GPR176: variants seen among roughly 807,000 people sequenced by gnomAD.
The protein encoded by GPR176 is G-protein coupled receptor 176.
Under a neutral mutation model 35.4 loss-of-function variants are expected in GPR176, and 26 were observed. The observed-to-expected ratio is 0.74, with a 90% CI of 0.54 to 1.02. The LOEUF (loss-of-function observed/expected upper bound fraction) is 1.02. GPR176 is among the 50% of genes least tolerant of loss of function. GPR176 has a pLI of 0.00. For synonymous variants in GPR176, 278 were observed against 271.3 expected (o/e 1.02, Z -0.24); for missense variants, 597 against 665.3 (o/e 0.90, Z 1.13).
rs1394550985 is a variant in GPR176 at position 39,893,493 on chromosome 15, A to G, written c.172+26362T>C. Among the ~76,000 whole-genome samples, 3 of 152,256 alleles carry G rather than the reference A, an allele frequency of 2.0e-5. No homozygotes were observed. In the East Asian group the frequency reaches 5.8e-4, roughly 29 times the overall value. ...TACAGAACAAAATGAAAAGTCTCCC[A>G]TGTCTACTTCTTTCTACACAGACAC... On this transcript the variant is annotated intron_variant, in intron 1 of 2. Coordinates refer to ENST00000561100, the MANE Select transcript of GPR176 (RefSeq NM_007223.3).
intron 1 of GPR176, among the ~76,000 whole-genome samples, chr15:39,821,189 A>C (rs1007943373): frequency 6.6e-6 from 1 of 152,192 alleles, no homozygotes; most frequent in Non-Finnish European, 1.5e-5. Context: ...CTGGTTCAAA[A>C]TAATGCAATT....
intron 1 of GPR176, among the ~76,000 whole-genome samples, chr15:39,852,291 C>T (rs1184643124): frequency 6.6e-6 from 1 of 152,124 alleles, no homozygotes; most frequent in Admixed American, 6.6e-5. Context: ...TCTACAACAG[C>T]CCTCTTTCCC....
intron 1 of GPR176, among the ~76,000 whole-genome samples, chr15:39,809,883 T>C (rs943490109): frequency 2.6e-5 from 4 of 152,124 alleles, no homozygotes; most frequent in Non-Finnish European, 4.4e-5. Flanking sequence ...CGGTGGCTCA[T>C]GCCTGTAATC....
chr15:39,828,179 T>A (rs275753), intron 1 of GPR176, among the ~76,000 whole-genome samples: 4,405 of 152,254 alleles, frequency 0.029, 216 homozygotes, highest in African/African-American at 0.1. Context: ...TTTTCAGCCC[T>A]TAATACCCAG....
intron 1 of GPR176, among the ~76,000 whole-genome samples, chr15:39,866,064 A>C (rs1234384889): frequency 2.6e-5 from 4 of 152,164 alleles, no homozygotes; most frequent in African/African-American, 9.6e-5. Flanking sequence ...GATTTTTTCC[A>C]AGACATATTG....
At chr15:39,813,640 T>C (rs1447665192) in intron 1 of GPR176, 1 of 152,190 alleles carries the variant, frequency 6.6e-6, no homozygotes, top group African/African-American at 2.4e-5. Context: ...GGTAGTTAAA[T>C]ATGATGTGTC....
intron 1 of GPR176, among the ~76,000 whole-genome samples, chr15:39,835,892 C>A (rs1595464687): frequency 6.6e-6 from 1 of 152,018 alleles, no homozygotes; most frequent in Non-Finnish European, 1.5e-5. Context: ...GCCAGGAGTT[C>A]GATAATAGCC....
rs575106102 is a variant in GPR176 at position 39,888,523 on chromosome 15, G to A, written c.172+31332C>T. ...AACTCACCATAACCTCAAACTCCTG[G>A]CCTCAACTGATCCTCCTGCCTTGGA... On this transcript the variant is annotated intron_variant, in intron 1 of 2. Coordinates refer to ENST00000561100, the MANE Select transcript of GPR176 (RefSeq NM_007223.3). 1.2e-4 allele frequency among the ~76,000 whole-genome samples: 19 copies of A among 152,226 alleles called. No individual in the cohort carries two copies. In the South Asian group the frequency reaches 3.5e-3, roughly 28 times the overall value.
chr15:39,834,524 C>A (rs1413953953), intron 1 of GPR176, among the ~76,000 whole-genome samples: 1 of 152,090 alleles, frequency 6.6e-6, no homozygotes, highest in Non-Finnish European at 1.5e-5. Context: ...GATTTGGAAG[C>A]AACCTAAGTG....
At chr15:39,827,880 G>C (rs1900785580) in intron 1 of GPR176, among the ~76,000 whole-genome samples, 1 of 152,234 alleles carries the variant, frequency 6.6e-6, no homozygotes, top group Admixed American at 6.5e-5. Context: ...GTTGTTGACA[G>C]TGACTCTCAA....
At chr15:39,849,531 A>G (rs189253355) in intron 1 of GPR176, among the ~76,000 whole-genome samples, 78 of 152,306 alleles carry the variant, frequency 5.1e-4, no homozygotes, top group Non-Finnish European at 5.7e-4. Context: ...TTAACGAAAG[A>G]TTAGCTAATA....
At chr15:39,826,065 A>G (rs1256816889) in intron 1 of GPR176, among the ~76,000 whole-genome samples, 1 of 152,148 alleles carries the variant, frequency 6.6e-6, no homozygotes, top group African/African-American at 2.4e-5. Context: ...AGAACCCCTA[A>G]GAGGGTGTGA....
At chr15:39,872,473 C>T (rs1372752718) in intron 1 of GPR176, among the ~76,000 whole-genome samples, 3 of 152,098 alleles carry the variant, frequency 2.0e-5, no homozygotes, top group African/African-American at 7.2e-5. Context: ...CAAAATAGAC[C>T]AACTTTATCC....
chr15:39,801,649 C>G lies in GPR176; in HGVS notation c.1031G>C (p.Arg344Pro). ...ACTCCCTGTACTGACCACATTACGGCGACTGTACCGGTGGTGTAGTTGCAC... is the reference window on the plus strand; with the variant it reads ...ACTCCCTGTACTGACCACATTACGGGGACTGTACCGGTGGTGTAGTTGCAC... Reference protein sequence around the residue: ...TLVQLHHRYSRRNVVSTGSGM... With the variant: ...TLVQLHHRYSPRNVVSTGSGM... The change falls in exon 3 of 3, where the codon CGC becomes CCC. Residue 344 changes from arginine (R) to proline (P), a missense_variant. Transcript: ENST00000561100. 1 of 1,613,928 alleles carries G rather than the reference C, an allele frequency of 6.2e-7. No homozygotes were observed. The highest frequency in any genetic ancestry group is 8.5e-7 in the Non-Finnish European group (1 of 1,179,854).
chr15:39,849,159 C>G (rs2030675521), intron 1 of GPR176, among the ~76,000 whole-genome samples: 1 of 152,046 alleles, frequency 6.6e-6, no homozygotes, highest in African/African-American at 2.4e-5. Context: ...ATCCTGCAGA[C>G]ATCAAGAGCA....
intron 1 of GPR176, among the ~76,000 whole-genome samples, chr15:39,918,700 T>C (rs549987011): frequency 2.6e-5 from 4 of 151,978 alleles, no homozygotes; most frequent in African/African-American, 9.7e-5. Flanking sequence ...GATATAGCAA[T>C]AGTAGTATCT....
At chr15:39,845,832 C>T (rs2030383580) in intron 1 of GPR176, among the ~76,000 whole-genome samples, 1 of 152,128 alleles carries the variant, frequency 6.6e-6, no homozygotes, top group Admixed American at 6.6e-5. Context: ...GTGCCTACAT[C>T]CTGAGGCCTA....
chr15:39,904,212 G>A (rs1158390094), intron 1 of GPR176, among the ~76,000 whole-genome samples: 3 of 152,068 alleles, frequency 2.0e-5, no homozygotes, highest in Non-Finnish European at 4.4e-5. Flanking sequence ...TGTATCTTGT[G>A]CTGACCTCCC....
At position 39,919,915 on chromosome 15, in the gene GPR176, G is replaced by C. The variant is rs1371993470; in HGVS notation, c.112C>G (p.Gln38Glu). ...GTGGTGGTGAACTGGCGGTACAGCTGCGCCTCGCCGAACTCCCCGAGCGCG... is the reference window on the plus strand; with the variant it reads ...GTGGTGGTGAACTGGCGGTACAGCTCCGCCTCGCCGAACTCCCCGAGCGCG... ...RSALGEFGEA[Q>E]LYRQFTTTVQ... The change falls in exon 1 of 3, where the codon CAG (glutamine) becomes GAG (glutamate). Residue 38 changes from glutamine (Q) to glutamate (E), a missense_variant. Transcript: ENST00000561100. 6.5e-7 allele frequency: 1 copy of C among 1,526,746 alleles called. No individual in the cohort carries two copies. The highest frequency in any genetic ancestry group is 8.8e-7 in the Non-Finnish European group (1 of 1,141,428). 94.6% of individuals were successfully genotyped at this position (1,526,746 alleles called of 1,614,324 possible). A position where few individuals can be genotyped will look rare whatever the true frequency, so the allele number is the denominator to read the frequency against.
Sources: gnomAD v4.1 joint callset for allele counts (sites outside exome capture counted in the v4.1 genomes callset) on GRCh38, gnomAD v4.1.1 for gene constraint, MANE v1.5 for transcripts, NCBI Gene and HGNC (gene_info 2026-07-23, HGNC 2026-07-21) for gene names.